The following DRGX variants were observed in gnomAD, a reference collection of about 807,000 sequenced individuals.
DRGX encodes the protein dorsal root ganglia homeobox.
In DRGX, 21 loss-of-function variants were observed where a neutral mutation model predicts 28.6. The observed-to-expected ratio is 0.73, with a 90% CI of 0.52 to 1.06. DRGX has a LOEUF of 1.06. Among genes scored for constraint, DRGX ranks in the 50% least tolerant of loss-of-function variants. DRGX has a pLI of 0.00. For missense variants in DRGX, 354 were observed against 343.9 expected (o/e 1.03, Z -0.23); for synonymous variants, 136 against 139.1 (o/e 0.98, Z 0.16).
chr10:49,383,864 G>C (rs1276703528), intron 6 of DRGX, among the ~76,000 whole-genome samples: 1 of 152,236 alleles, frequency 6.6e-6, no homozygotes, highest in African/African-American at 2.4e-5. Context: ...ATAAACTTCT[G>C]TGTCTAAGCC....
rs1849583994 is a variant in DRGX, at chr10:49,365,093, A to C, written c.*1023T>G. The C allele has an allele frequency of 6.6e-6, 1 of 151,960 alleles. No homozygotes were observed. Among genetic ancestry groups the C allele is most frequent in the African/African-American group, 2.4e-5 (1 of 41,224 alleles). The allele number at this position is 151,960 out of a possible 1,614,324, so 9.4% of individuals were successfully genotyped here. A position where few individuals can be genotyped will look rare whatever the true frequency, so the allele number is the denominator to read the frequency against. The stretch of plus-strand genomic sequence containing the variant: ...ACACCATGAGAAAGCTGTCTTCCCC[A>C]TGCTCCATATCTGCACATACGCCGT... On this transcript the variant is annotated 3_prime_UTR_variant, in exon 7 of 7. Coordinates refer to ENST00000374139, the MANE Select transcript of DRGX (RefSeq NM_001276451.2).
At chr10:49,371,186 A>G (rs533589956) in intron 6 of DRGX, among the ~76,000 whole-genome samples, 1 of 152,346 alleles carries the variant, frequency 6.6e-6, no homozygotes, top group African/African-American at 2.4e-5. Flanking sequence ...CAGTGATCTG[A>G]CAGTATCAAT....
intron 6 of DRGX, among the ~76,000 whole-genome samples, chr10:49,370,005 G>T (rs545595599): frequency 1.3e-5 from 2 of 152,066 alleles, no homozygotes; most frequent in Non-Finnish European, 2.9e-5. Flanking sequence ...AGGAAGCTTC[G>T]CAGGGTTTTC....
rs752801711 is a variant in DRGX, at chr10:49,386,765, TCAC to T, written c.325_327del (p.Val109del). On this transcript the variant is annotated inframe_deletion, in exon 5 of 7. Coordinates refer to ENST00000374139, the MANE Select transcript of DRGX (RefSeq NM_001276451.2). ...TTGATGTTTCTCACTGGAGGAGGTGTCACCTCTGCCATGGGCTCCTTGGCTCCT... is the reference window on the plus strand; with the variant it reads ...TTGATGTTTCTCACTGGAGGAGGTGTCTCTGCCATGGGCTCCTTGGCTCCT... 6.2e-7 allele frequency: 1 copy of T among 1,610,440 alleles called. No individual in the cohort carries two copies. Among genetic ancestry groups the T allele is most frequent in the African/African-American group, 1.3e-5 (1 of 74,872 alleles).
intron 6 of DRGX, among the ~76,000 whole-genome samples, chr10:49,380,978 C>T (rs960821696): frequency 1.3e-5 from 2 of 152,178 alleles, no homozygotes; most frequent in Non-Finnish European, 2.9e-5. Context: ...GAATTCAGTG[C>T]TATTATGATC....
intron 6 of DRGX, among the ~76,000 whole-genome samples, chr10:49,384,310 C>G (rs373712539): frequency 6.6e-6 from 1 of 152,190 alleles, no homozygotes; most frequent in South Asian, 2.1e-4. Context: ...CACGGTATGT[C>G]GCCGACCTCA....
chr10:49,391,778 T>A, intron 2 of DRGX: 1 of 489,740 alleles, frequency 2.0e-6, no homozygotes, highest in African/African-American at 2.0e-5. Flanking sequence ...CACGGCACTT[T>A]TCTCTTATAA....
intron 6 of DRGX, among the ~76,000 whole-genome samples, chr10:49,377,439 C>T (rs1849728253): frequency 6.6e-6 from 1 of 152,238 alleles, no homozygotes; most frequent in African/African-American, 2.4e-5. Flanking sequence ...CCTCCCAGGA[C>T]TCACACCCAC....
chr10:49,385,568 C>T (rs1442818123), intron 6 of DRGX, among the ~76,000 whole-genome samples: 4 of 152,202 alleles, frequency 2.6e-5, no homozygotes, highest in Non-Finnish European at 2.9e-5. Flanking sequence ...ACACAGATTG[C>T]CACACTGTGT....
At chr10:49,388,389 G>T (rs1006499812) in intron 4 of DRGX, among the ~76,000 whole-genome samples, 3 of 152,252 alleles carry the variant, frequency 2.0e-5, no homozygotes, top group African/African-American at 2.4e-5. Context: ...GAGAGAGCCT[G>T]GGTCCTTGAG....
intron 6 of DRGX, among the ~76,000 whole-genome samples, chr10:49,382,729 A>T (rs1319642059): frequency 6.6e-6 from 1 of 152,078 alleles, no homozygotes; most frequent in African/African-American, 2.4e-5. Flanking sequence ...CACACCAGCC[A>T]TTCTCCAGAG....
At chr10:49,383,252 A>G (rs754200231) in intron 6 of DRGX, among the ~76,000 whole-genome samples, 1 of 152,226 alleles carries the variant, frequency 6.6e-6, no homozygotes, top group Non-Finnish European at 1.5e-5. Flanking sequence ...TGAGAATTGA[A>G]TGGCAGGTTG....
chr10:49,390,378 G>T, intron 3 of DRGX, 144 bp from the exon 4 acceptor site: 1 of 708,288 alleles, frequency 1.4e-6, no homozygotes, highest in Non-Finnish European at 2.2e-6. Flanking sequence ...GAGCTCTTTG[G>T]AAAGATCCCA....
chr10:49,378,055 C>T (rs1849734541), intron 6 of DRGX, among the ~76,000 whole-genome samples: 1 of 151,722 alleles, frequency 6.6e-6, no homozygotes, highest in Non-Finnish European at 1.5e-5. Flanking sequence ...GTTGTTTTAA[C>T]ATTTAAAAAA....
intron 3 of DRGX, 140 bp from the exon 4 acceptor site, chr10:49,390,374 T>A: frequency 1.4e-6 from 1 of 717,486 alleles, no homozygotes; most frequent in Non-Finnish European, 2.2e-6. Flanking sequence ...AAGAGAGCTC[T>A]TTGGAAAGAT....
In DRGX at chr10:49,369,814, G is replaced by A. The variant is rs532722819; in HGVS notation, c.527-3433C>T. On this transcript the variant is annotated intron_variant, in intron 6 of 6. Coordinates refer to ENST00000374139, the MANE Select transcript of DRGX (RefSeq NM_001276451.2). ...AGTGTGCTGGCCAGAGGGGAGTTGA[G>A]GGCAAAGTGATCCAGGAAGATGAAG... Among the ~76,000 whole-genome samples the A allele has an allele frequency of 7.2e-5, 11 of 152,020 alleles. No homozygotes were observed. The South Asian group carries it at 2.1e-3, about 29-fold the overall frequency.
chr10:49,386,959 T>A, intron 4 of DRGX, 101 bp from the exon 5 acceptor site: 1 of 1,343,588 alleles, frequency 7.4e-7, no homozygotes, highest in Non-Finnish European at 9.9e-7. Flanking sequence ...CCCTGCAGCC[T>A]CCTCTCCACA....
At chr10:49,390,854 T>G (rs1438412554) in intron 3 of DRGX, among the ~76,000 whole-genome samples, 1 of 152,230 alleles carries the variant, frequency 6.6e-6, no homozygotes, top group Non-Finnish European at 1.5e-5. Flanking sequence ...ATGTCTGACC[T>G]GCCTTCCTCA....
rs201659578 is a variant in DRGX, at chr10:49,366,266, G to A, written c.642C>T (p.Arg214=). The A allele has an allele frequency of 1.4e-5, 22 of 1,613,930 alleles. No homozygotes were observed. Among genetic ancestry groups the A allele is most frequent in the African/African-American group, 8.0e-5 (6 of 75,042 alleles). Reference sequence around the variant, plus strand: ...ACTGCAGGACAGCTTCTGAGTGCTCGCGGGCCTTCATGCGCAGGGTGGCCA... The same window carrying A: ...ACTGCAGGACAGCTTCTGAGTGCTCACGGGCCTTCATGCGCAGGGTGGCCA... ...ASVATLRMKA[R]EHSEAVLQSA... The change falls in exon 7 of 7, where the codon CGC becomes CGT. Residue 214 remains arginine, a synonymous_variant. Transcript: ENST00000374139.
Sources: allele counts gnomAD v4.1 joint callset (sites outside exome capture counted in the v4.1 genomes callset), GRCh38; gene constraint gnomAD v4.1.1; transcripts MANE v1.5; gene names NCBI Gene and HGNC (gene_info 2026-07-23, HGNC 2026-07-21).